The following GABBR2 variants were observed in gnomAD, a reference collection of about 807,000 sequenced individuals.
GABBR2 encodes the protein G-protein coupled receptor 51.
GABBR2 carries 23 observed loss-of-function variants against 105.6 expected under a neutral mutation model. The observed-to-expected ratio is 0.22, with a 90% CI of 0.16 to 0.31. The LOEUF (loss-of-function observed/expected upper bound fraction) is 0.31. Ranked by LOEUF, GABBR2 falls within the 10% of genes least tolerant of loss-of-function variation. The pLI is 1.00. For missense variants in GABBR2, 734 were observed against 1,245.5 expected (o/e 0.59, Z 6.18); for synonymous variants, 478 against 499.7 (o/e 0.96, Z 0.58).
chr9:98,490,072 G>A (rs1267620326), intron 4 of GABBR2, among the ~76,000 whole-genome samples: 4 of 152,160 alleles, frequency 2.6e-5, no homozygotes, highest in African/African-American at 4.8e-5. Context: ...CAGCCTGGGC[G>A]ACAGAGCAAC....
intron 7 of GABBR2, among the ~76,000 whole-genome samples, chr9:98,452,470 A>G (rs1229708840): frequency 1.3e-5 from 2 of 152,230 alleles, no homozygotes; most frequent in African/African-American, 4.8e-5. Flanking sequence ...CTGATTAGCT[A>G]TAGTACTTAA....
At chr9:98,349,245 G>A (rs189498492) in intron 13 of GABBR2, among the ~76,000 whole-genome samples, 14 of 150,836 alleles carry the variant, frequency 9.3e-5, no homozygotes, top group South Asian at 8.4e-4. Flanking sequence ...ATCTGTTTAC[G>A]TTGAATCATT....
chr9:98,428,519 G>A (rs527776829), intron 7 of GABBR2, among the ~76,000 whole-genome samples: 29 of 152,292 alleles, frequency 1.9e-4, no homozygotes, highest in Admixed American at 8.5e-4. Flanking sequence ...GAGAAAATGC[G>A]TGTAAGGAAG....
intron 3 of GABBR2, among the ~76,000 whole-genome samples, chr9:98,517,875 G>A (rs1827788484): frequency 6.6e-6 from 1 of 151,310 alleles, no homozygotes. Context: ...GGAGTCAGAA[G>A]ACCAGTGAGA....
chr9:98,332,109 C>T (rs889599167), intron 13 of GABBR2, among the ~76,000 whole-genome samples: 5 of 152,162 alleles, frequency 3.3e-5, no homozygotes, highest in Non-Finnish European at 7.3e-5. Context: ...GGCCTGGCTT[C>T]TCACCTCTGA....
intron 1 of GABBR2, among the ~76,000 whole-genome samples, chr9:98,614,390 GGTGCACGCCT>G (rs1829549464): frequency 6.6e-6 from 1 of 152,050 alleles, no homozygotes; most frequent in Admixed American, 6.5e-5. Context: ...TGGGCATTGT[GGTGCACGCCT>G]GTAAATCCCA....
intron 9 of GABBR2, among the ~76,000 whole-genome samples, 197 bp downstream of exon 9, chr9:98,393,978 T>C (rs1832241361): frequency 6.6e-6 from 1 of 152,180 alleles, no homozygotes; most frequent in Non-Finnish European, 1.5e-5. Flanking sequence ...TCATACAAAC[T>C]CTAGTGACCC....
At chr9:98,368,833 G>T (rs930334136) in intron 12 of GABBR2, among the ~76,000 whole-genome samples, 2 of 152,188 alleles carry the variant, frequency 1.3e-5, no homozygotes, top group Non-Finnish European at 2.9e-5. Flanking sequence ...TGGCTCTCCA[G>T]CCTTGGCTTG....
chr9:98,647,809 A>G (rs1830044975), intron 1 of GABBR2, among the ~76,000 whole-genome samples: 1 of 152,208 alleles, frequency 6.6e-6, no homozygotes, highest in African/African-American at 2.4e-5. Context: ...TGATGTTAAA[A>G]TATTTGACCT....
In GABBR2 at chr9:98,320,147, C is replaced by A. The variant is rs7466340; in HGVS notation, c.1894-8942G>T. Among the ~76,000 whole-genome samples, 1,491 of 151,774 alleles carry A rather than the reference C, an allele frequency of 9.8e-3. 15 individuals carry two copies. Among genetic ancestry groups the A allele is most frequent in the African/African-American group, 0.034 (1,421 of 41,306 alleles). On this transcript the variant is annotated intron_variant, in intron 13 of 18. Coordinates refer to ENST00000259455, the MANE Select transcript of GABBR2 (RefSeq NM_005458.8). ...AATTTACAAGAAAAAAACAAACAACCCCATCAAAAAGTGGGCGAAGGACAT... is the reference window on the plus strand; with the variant it reads ...AATTTACAAGAAAAAAACAAACAACACCATCAAAAAGTGGGCGAAGGACAT...
chr9:98,623,034 G>T (rs1829690044), intron 1 of GABBR2, among the ~76,000 whole-genome samples: 1 of 152,212 alleles, frequency 6.6e-6, no homozygotes, highest in Non-Finnish European at 1.5e-5. Context: ...GGGGGAGGCT[G>T]TGCATGTGTG....
At chr9:98,555,326 C>T (rs902082811) in intron 2 of GABBR2, among the ~76,000 whole-genome samples, 4 of 152,198 alleles carry the variant, frequency 2.6e-5, no homozygotes, top group African/African-American at 9.6e-5. Flanking sequence ...TGCCACCAGG[C>T]AGGGACATCA....
chr9:98,445,452 A>G (rs531161394), intron 7 of GABBR2, among the ~76,000 whole-genome samples: 1 of 152,390 alleles, frequency 6.6e-6, no homozygotes, highest in South Asian at 2.1e-4. Flanking sequence ...TTTCCCATAA[A>G]TACACATGGG....
intron 1 of GABBR2, among the ~76,000 whole-genome samples, chr9:98,685,826 G>C (rs911868361): frequency 2.6e-5 from 4 of 152,142 alleles, no homozygotes; most frequent in African/African-American, 9.6e-5. Context: ...CCAAGTAGCT[G>C]GGACTACACA....
At chr9:98,361,405 C>T (rs774334) in intron 13 of GABBR2, among the ~76,000 whole-genome samples, 61,857 of 152,032 alleles carry the variant, frequency 0.41, 14,752 homozygotes, top group African/African-American at 0.67. Flanking sequence ...TTATTATCAC[C>T]GCCACAGTCT....
At chr9:98,692,525 C>T (rs1239904134) in intron 1 of GABBR2, among the ~76,000 whole-genome samples, 2 of 152,208 alleles carry the variant, frequency 1.3e-5, no homozygotes, top group East Asian at 3.9e-4. Context: ...TAAGGGCCTT[C>T]GGGAACAGCC....
chr9:98,386,643 C>A (rs931760780), intron 10 of GABBR2, among the ~76,000 whole-genome samples: 1 of 152,056 alleles, frequency 6.6e-6, no homozygotes, highest in Non-Finnish European at 1.5e-5. Flanking sequence ...AGGTGCCTGG[C>A]CCCCCCAGCA....
chr9:98,670,568 G>A (rs1243056152), intron 1 of GABBR2, among the ~76,000 whole-genome samples: 2 of 152,246 alleles, frequency 1.3e-5, no homozygotes, highest in African/African-American at 4.8e-5. Flanking sequence ...TAGCTGAAAT[G>A]TGGAAGCAGC....
chr9:98,475,865 C>G (rs1422883483), intron 5 of GABBR2, among the ~76,000 whole-genome samples: 1 of 152,162 alleles, frequency 6.6e-6, no homozygotes, highest in Non-Finnish European at 1.5e-5. Context: ...GAGTTCAAGA[C>G]CAGCCTGGCC....
Sources: gnomAD v4.1 joint callset for allele counts (sites outside exome capture counted in the v4.1 genomes callset) on GRCh38, gnomAD v4.1.1 for gene constraint, MANE v1.5 for transcripts, NCBI Gene and HGNC (gene_info 2026-07-23, HGNC 2026-07-21) for gene names.